The following IAPP variants were observed in gnomAD, a reference collection of about 807,000 sequenced individuals.
IAPP encodes the protein islet amyloid polypeptide.
IAPP carries 4 observed loss-of-function variants against 2.9 expected under a neutral mutation model. The ratio of observed to expected loss-of-function variants is 1.39; its 90% CI spans 0.69 to 3.19. The LOEUF (loss-of-function observed/expected upper bound fraction) is 3.19. IAPP is among the 30% of genes most tolerant of loss of function. The pLI, the probability that IAPP is intolerant of heterozygous loss-of-function variation, is 0.01. For synonymous variants in IAPP, 40 were observed against 42.1 expected (o/e 0.95, Z 0.19); for missense variants, 114 against 105.3 (o/e 1.08, Z -0.36).
chr12:21,361,528 G>C (rs1036700024), intron 1 of IAPP, among the ~76,000 whole-genome samples: 13 of 152,214 alleles, frequency 8.5e-5, no homozygotes, highest in African/African-American at 9.6e-5. Context: ...AACAAAGCTG[G>C]ACAGAGAATG....
At position 21,379,496 on chromosome 12, in the gene IAPP, T is replaced by C. The variant is rs1940449229; in HGVS notation, c.*1070T>C. The C allele has an allele frequency of 1.3e-5, 2 of 152,240 alleles. No homozygotes were observed. The highest frequency in any genetic ancestry group is 6.5e-5 in the Admixed American group (1 of 15,280). 9.4% of individuals were successfully genotyped at this position (152,240 alleles called of 1,614,324 possible). ...ACAGACTTCTGGAAACTCTTTGCTG[T>C]ATAAGAATTATTTCTTTTGTTTAAC... is the stretch of plus-strand genomic sequence containing the variant. On this transcript the variant is annotated 3_prime_UTR_variant, in exon 3 of 3. Coordinates refer to ENST00000240652, the MANE Select transcript of IAPP (RefSeq NM_000415.3).
At chr12:21,365,708 A>G (rs1939321052) in intron 1 of IAPP, among the ~76,000 whole-genome samples, 1 of 152,212 alleles carries the variant, frequency 6.6e-6, no homozygotes, top group Non-Finnish European at 1.5e-5. Flanking sequence ...CAAGAAAAAA[A>G]ACAAACAACC....
intron 1 of IAPP, among the ~76,000 whole-genome samples, chr12:21,356,519 G>T (rs945865741): frequency 7.1e-6 from 1 of 140,518 alleles, no homozygotes. Context: ...AAGGAGAGAG[G>T]TAAGAAAAAA....
At chr12:21,357,229 G>C (rs1405003713) in intron 1 of IAPP, among the ~76,000 whole-genome samples, 1 of 152,114 alleles carries the variant, frequency 6.6e-6, no homozygotes, top group Non-Finnish European at 1.5e-5. Flanking sequence ...GTCATACTGA[G>C]ATACTTTGAG....
At chr12:21,366,746 A>T (rs79191581) in intron 1 of IAPP, among the ~76,000 whole-genome samples, 9,842 of 151,996 alleles carry the variant, frequency 0.065, 348 homozygotes, top group Middle Eastern at 0.14. Flanking sequence ...AAGATTCAGA[A>T]AGCAAGATCT....
At chr12:21,359,703 T>G (rs1372209641) in intron 1 of IAPP, among the ~76,000 whole-genome samples, 2 of 150,312 alleles carry the variant, frequency 1.3e-5, no homozygotes, top group Non-Finnish European at 2.9e-5. Context: ...GCCGAGATCG[T>G]GCCACTGCAC....
chr12:21,357,143 T>C (rs930071295), intron 1 of IAPP, among the ~76,000 whole-genome samples: 4 of 152,308 alleles, frequency 2.6e-5, no homozygotes, highest in Middle Eastern at 3.4e-3. Context: ...AATGCATCTG[T>C]TGAAGTCCAA....
At chr12:21,355,357 C>G (rs1938282579) in intron 1 of IAPP, among the ~76,000 whole-genome samples, 1 of 152,110 alleles carries the variant, frequency 6.6e-6, no homozygotes, top group Admixed American at 6.6e-5. Context: ...TTAAGACAAA[C>G]ATATTTTTAT....
chr12:21,378,389 T>C lies in IAPP; in HGVS notation c.233T>C (p.Val78Ala), dbSNP rs767130965. 11 of 1,613,718 alleles carry C rather than the reference T, an allele frequency of 6.8e-6. No individual in the cohort carries two copies. In the South Asian group the frequency reaches 1.2e-4, roughly 18 times the overall value. The part of the protein sequence containing the change: ...NTYGKRNAVE[V>A]LKREPLNYLP... The stretch of plus-strand genomic sequence containing the variant: ...TATGGCAAGAGGAATGCAGTAGAGG[T>C]TTTAAAGAGAGAGCCACTGAATTAC... Residue 78 changes from valine to alanine, a missense_variant, in exon 3 of 3, where the codon GTT (valine) becomes GCT (alanine). Physicochemically the swap from Val to Ala is moderately conservative, Grantham distance 64. Transcript: ENST00000240652.
intron 1 of IAPP, among the ~76,000 whole-genome samples, chr12:21,361,087 C>T (rs1938826396): frequency 6.6e-6 from 1 of 152,206 alleles, no homozygotes; most frequent in East Asian, 1.9e-4. Context: ...AGACTGCCTC[C>T]TCAAGTGGGT....
intron 1 of IAPP, among the ~76,000 whole-genome samples, chr12:21,359,701 C>T (rs1389517274): frequency 5.3e-5 from 8 of 150,752 alleles, no homozygotes; most frequent in Admixed American, 2.0e-4. Flanking sequence ...GAGCCGAGAT[C>T]GTGCCACTGC....
At chr12:21,376,267 T>C (rs1940185073) in intron 2 of IAPP, 1 of 279,024 alleles carries the variant, frequency 3.6e-6, no homozygotes, top group Middle Eastern at 4.2e-4. Flanking sequence ...GGAACAGATA[T>C]TACCTTTGAA....
chr12:21,378,417 GC>G lies in IAPP; in HGVS notation c.265del (p.Leu89PhefsTer30), dbSNP rs1433367168. 6.2e-7 allele frequency: 1 copy of G among 1,612,946 alleles called. No individual in the cohort carries two copies. Among genetic ancestry groups the G allele is most frequent in the Non-Finnish European group, 8.5e-7 (1 of 1,178,898 alleles). On this transcript the variant is annotated frameshift_variant, in exon 3 of 3. Coordinates refer to ENST00000240652, the MANE Select transcript of IAPP (RefSeq NM_000415.3). LOFTEE classifies it high-confidence loss of function. ...VLKREPLNYL[P>X]L ...TAAAGAGAGAGCCACTGAATTACTT[GC>G]CCCTTTAGAGGACAATGTAACTCTA... is the stretch of plus-strand genomic sequence containing the variant.
chr12:21,378,026 G>C (rs1940329374), intron 2 of IAPP, among the ~76,000 whole-genome samples: 1 of 152,110 alleles, frequency 6.6e-6, no homozygotes, highest in Admixed American at 6.5e-5. Flanking sequence ...AACATTGACT[G>C]TAATGAAAGA....
intron 1 of IAPP, among the ~76,000 whole-genome samples, chr12:21,364,077 T>A (rs1422250969): frequency 2.6e-5 from 4 of 152,134 alleles, no homozygotes; most frequent in Non-Finnish European, 5.9e-5. Context: ...TACCAAAGCC[T>A]GGCAGAAACA....
chr12:21,379,909 G>A lies in IAPP; in HGVS notation c.*1483G>A, dbSNP rs1179549233. ...GCGGTAGTGAGTGTATAGAGGCAGGGAAATATATTTATAATAAATTCTATG... is the reference window on the plus strand; with the variant it reads ...GCGGTAGTGAGTGTATAGAGGCAGGAAAATATATTTATAATAAATTCTATG... On this transcript the variant is annotated 3_prime_UTR_variant, in exon 3 of 3. Coordinates refer to ENST00000240652, the MANE Select transcript of IAPP (RefSeq NM_000415.3). 3.9e-5 allele frequency: 6 copies of A among 152,048 alleles called. No homozygotes were observed. The highest frequency in any genetic ancestry group is 7.4e-5 in the Non-Finnish European group (5 of 68,000). 9.4% of individuals were successfully genotyped at this position (152,048 alleles called of 1,614,324 possible).
chr12:21,357,462 C>T (rs1488318789), intron 1 of IAPP, among the ~76,000 whole-genome samples: 2 of 152,292 alleles, frequency 1.3e-5, no homozygotes, highest in East Asian at 3.9e-4. Flanking sequence ...CTTCTTGCCT[C>T]CAGAACTGTG....
rs1035886476 is a variant in IAPP at position 21,362,409 on chromosome 12, T to C, written c.-16+7396T>C. On this transcript the variant is annotated intron_variant, in intron 1 of 2. Transcript: ENST00000539393. ...GAGCTCCTTAAGGAAGCACTAAACATGGAAAGGAACAACCGGTACGAGCCA... is the reference window on the plus strand; with the variant it reads ...GAGCTCCTTAAGGAAGCACTAAACACGGAAAGGAACAACCGGTACGAGCCA... Among the ~76,000 whole-genome samples the C allele has an allele frequency of 2.0e-5, 3 of 152,016 alleles. No individual in the cohort carries two copies. In the South Asian group the frequency reaches 6.2e-4, roughly 32 times the overall value.
In IAPP at chr12:21,379,314, T is replaced by A. The variant is rs1172375729; in HGVS notation, c.*888T>A. 6.6e-6 allele frequency: 1 copy of A among 152,240 alleles called. No homozygotes were observed. The highest frequency in any genetic ancestry group is 2.4e-5 in the African/African-American group (1 of 41,472). 9.4% of individuals were successfully genotyped at this position (152,240 alleles called of 1,614,324 possible). A position where few individuals can be genotyped will look rare whatever the true frequency, so the allele number is the denominator to read the frequency against. On this transcript the variant is annotated 3_prime_UTR_variant, in exon 3 of 3. Coordinates refer to ENST00000240652, the MANE Select transcript of IAPP (RefSeq NM_000415.3). ...AAAGTATAAAACTGCTTTGTATCCA[T>A]GAGGGTTTCATTGTGTGTTAGCAGC...
Sources: allele counts gnomAD v4.1 joint callset (sites outside exome capture counted in the v4.1 genomes callset), GRCh38; gene constraint gnomAD v4.1.1; transcripts MANE v1.5; gene names NCBI Gene and HGNC (gene_info 2026-07-23, HGNC 2026-07-21).